RAB3C: variants seen among roughly 807,000 people sequenced by gnomAD.
RAB3C encodes the protein ras-related protein Rab-3C.
Under a neutral mutation model 26.4 loss-of-function variants are expected in RAB3C, and 17 were observed. The ratio of observed to expected loss-of-function variants is 0.64; its 90% CI spans 0.44 to 0.97. RAB3C has a LOEUF of 0.97. RAB3C is among the 50% of genes least tolerant of loss of function. RAB3C has a pLI of 0.00. For missense variants in RAB3C, 242 were observed against 281.9 expected, an observed-to-expected ratio of 0.86 and a Z score of 1.01; for synonymous variants, 91 against 95.9, an observed-to-expected ratio of 0.95 and a Z score of 0.30.
At position 58,694,996 on chromosome 5, in the gene RAB3C, G is replaced by C. The variant is rs538737212; in HGVS notation, c.253-31006G>C. Among the ~76,000 whole-genome samples, 14 of 152,268 alleles carry C rather than the reference G, an allele frequency of 9.2e-5. No homozygotes were observed. The East Asian group carries it at 2.5e-3, about 27-fold the overall frequency. On this transcript the variant is annotated intron_variant, in intron 2 of 4. Transcript: ENST00000282878. ...TTGCTTTCGGTGTTTTAGTCATGAA[G>C]TCTTTGCCCATGTTTATGTCCTGAA... is the stretch of plus-strand genomic sequence containing the variant.
At chr5:58,744,292 TC>T (rs1741344000) in intron 3 of RAB3C, among the ~76,000 whole-genome samples, 1 of 152,200 alleles carries the variant, frequency 6.6e-6, no homozygotes, top group Non-Finnish European at 1.5e-5. Flanking sequence ...AGAAGTTGTT[TC>T]TATCAAAGAT....
At position 58,687,524 on chromosome 5, in the gene RAB3C, C is replaced by G. The variant is rs77298980; in HGVS notation, c.253-38478C>G. On this transcript the variant is annotated intron_variant, in intron 2 of 4. Coordinates refer to ENST00000282878, the MANE Select transcript of RAB3C (RefSeq NM_138453.4). Reference sequence around the variant, plus strand: ...CAGTAAACGTTTCAGTAATAATTTGCTTGGTGGGGGAGTGGACATTTTTTT... The same window carrying G: ...CAGTAAACGTTTCAGTAATAATTTGGTTGGTGGGGGAGTGGACATTTTTTT... 3.8e-3 allele frequency among the ~76,000 whole-genome samples: 572 copies of G among 152,104 alleles called. 7 individuals carry two copies. The highest frequency in any genetic ancestry group is 0.013 in the African/African-American group (553 of 41,526).
At chr5:58,743,486 G>C (rs934198427) in intron 3 of RAB3C, among the ~76,000 whole-genome samples, 2 of 151,996 alleles carry the variant, frequency 1.3e-5, no homozygotes, top group Non-Finnish European at 2.9e-5. Context: ...ATGGTGGTTT[G>C]CTGCACCCAT....
chr5:58,596,317 T>G (rs1217530439), intron 1 of RAB3C, among the ~76,000 whole-genome samples: 1 of 151,558 alleles, frequency 6.6e-6, no homozygotes. Flanking sequence ...TCAAGTCTAT[T>G]CACTTTCAGA....
rs148025043 is a variant in RAB3C at position 58,805,884 on chromosome 5, T to C, written c.372-19154T>C. Among the ~76,000 whole-genome samples the C allele has an allele frequency of 4.7e-3, 721 of 152,234 alleles. 12 individuals carry two copies. Among genetic ancestry groups the C allele is most frequent in the Non-Finnish European group, 4.2e-3 (286 of 68,018 alleles). ...GGGAAGGGGTGTGGGGCAGGGAGTATATATATGAAGTCTGTATACATAACC... is the reference window on the plus strand; with the variant it reads ...GGGAAGGGGTGTGGGGCAGGGAGTACATATATGAAGTCTGTATACATAACC... On this transcript the variant is annotated intron_variant, in intron 3 of 4. Transcript: ENST00000282878.
At position 58,851,950 on chromosome 5, in the gene RAB3C, G is replaced by A. The variant is rs1006177456; in HGVS notation, c.*599G>A. 6.6e-6 allele frequency: 1 copy of A among 152,090 alleles called. No individual in the cohort carries two copies. The highest frequency in any genetic ancestry group is 2.4e-5 in the African/African-American group (1 of 41,414). The allele number at this position is 152,090 out of a possible 1,614,324, so 9.4% of individuals were successfully genotyped here. A position where few individuals can be genotyped will look rare whatever the true frequency, so the allele number is the denominator to read the frequency against. On this transcript the variant is annotated 3_prime_UTR_variant, in exon 5 of 5. Coordinates refer to ENST00000282878, the MANE Select transcript of RAB3C (RefSeq NM_138453.4). ...ATAACTGAGATCATTGGCCTATAAA[G>A]AAATTGAAATGTTGTTTTTAAGGTC...
At chr5:58,662,370 A>G (rs1478392834) in intron 2 of RAB3C, among the ~76,000 whole-genome samples, 2 of 150,194 alleles carry the variant, frequency 1.3e-5, no homozygotes, top group Admixed American at 6.6e-5. Context: ...TTCACAGAAC[A>G]TGCTGAACTT....
intron 2 of RAB3C, among the ~76,000 whole-genome samples, chr5:58,667,739 TAAG>T (rs34075876): frequency 0.05 from 7,558 of 152,236 alleles, 631 homozygotes; most frequent in African/African-American, 0.17. Context: ...CCAAAAGCTC[TAAG>T]AAGAATCAAT....
chr5:58,707,266 A>G (rs1748963280), intron 2 of RAB3C, among the ~76,000 whole-genome samples: 1 of 152,258 alleles, frequency 6.6e-6, no homozygotes, highest in South Asian at 2.1e-4. Flanking sequence ...TAGATATCAT[A>G]CATAACATTT....
rs1183546229 is a variant in RAB3C at position 58,726,040 on chromosome 5, A to G, written c.291A>G (p.Thr97=). ...AGQERYRTIT[T]AYYRGAMGFI... The stretch of plus-strand genomic sequence containing the variant: ...AGGAAAGATACAGGACTATCACCAC[A>G]GCCTATTATCGTGGAGCCATGGGCT... Residue 97 remains threonine (T), a synonymous_variant, in exon 3 of 5, where the codon ACA becomes ACG. Transcript: ENST00000282878. 5.6e-6 allele frequency: 9 copies of G among 1,607,006 alleles called. No individual in the cohort carries two copies. The highest frequency in any genetic ancestry group is 7.7e-6 in the Non-Finnish European group (9 of 1,175,818).
intron 3 of RAB3C, among the ~76,000 whole-genome samples, chr5:58,796,271 G>A (rs1413839439): frequency 6.6e-6 from 1 of 152,126 alleles, no homozygotes; most frequent in African/African-American, 2.4e-5. Context: ...TGTTACACAG[G>A]TTACAGAAAC....
chr5:58,795,290 G>A (rs1235711383), intron 3 of RAB3C, among the ~76,000 whole-genome samples: 1 of 152,052 alleles, frequency 6.6e-6, no homozygotes, highest in African/African-American at 2.4e-5. Context: ...CCCAGTTTCG[G>A]GTATGTCTTT....
chr5:58,617,435 G>C (rs1220421818), intron 1 of RAB3C: 5 of 752,236 alleles, frequency 6.6e-6, no homozygotes, highest in Admixed American at 3.5e-5. Context: ...GGAAAGGCCT[G>C]TAAGATTTGC....
intron 3 of RAB3C, among the ~76,000 whole-genome samples, chr5:58,761,063 T>TCTCTCTCACA (rs370091627): frequency 2.8e-5 from 4 of 144,820 alleles, no homozygotes; most frequent in Middle Eastern, 3.5e-3. Context: ...TCTCTCTCTC[T>TCTCTCTCACA]CACACACACA....
At chr5:58,846,935 T>C (rs752826126) in intron 4 of RAB3C, 15 of 152,096 alleles carry the variant, frequency 9.9e-5, no homozygotes, top group Non-Finnish European at 2.2e-4. Context: ...CCTGAAGGGA[T>C]TAGTGTCCCG....
chr5:58,747,553 T>C (rs1457795351), intron 3 of RAB3C, among the ~76,000 whole-genome samples: 4 of 152,096 alleles, frequency 2.6e-5, no homozygotes, highest in Admixed American at 2.0e-4. Flanking sequence ...ACCAAAAACA[T>C]GCTATTATTT....
intron 3 of RAB3C, among the ~76,000 whole-genome samples, chr5:58,726,444 T>G (rs1740889988): frequency 6.6e-6 from 1 of 151,970 alleles, no homozygotes; most frequent in Non-Finnish European, 1.5e-5. Context: ...TTTACTGATC[T>G]AAAATAGGGA....
chr5:58,763,476 G>A (rs1223412662), intron 3 of RAB3C, among the ~76,000 whole-genome samples: 1 of 152,132 alleles, frequency 6.6e-6, no homozygotes, highest in Non-Finnish European at 1.5e-5. Context: ...AGAGTAAGCA[G>A]AGAAGGTCCC....
chr5:58,794,329 T>C (rs1483981939), intron 3 of RAB3C: 2 of 150,592 alleles, frequency 1.3e-5, no homozygotes, highest in African/African-American at 4.9e-5. Flanking sequence ...GGAAGAAAAG[T>C]AGAAAAAAAG....
Sources: gnomAD v4.1 joint callset for allele counts (sites outside exome capture counted in the v4.1 genomes callset) on GRCh38, gnomAD v4.1.1 for gene constraint, MANE v1.5 for transcripts, NCBI Gene and HGNC (gene_info 2026-07-23, HGNC 2026-07-21) for gene names.